The following TMOD1 variants were observed in gnomAD, a reference collection of about 807,000 sequenced individuals.
TMOD1 encodes tropomodulin 1, also known as tropomodulin-1.
In TMOD1, 17 loss-of-function variants were observed where a neutral mutation model predicts 40.6. The ratio of observed to expected loss-of-function variants is 0.42; its 90% CI spans 0.29 to 0.63. TMOD1 has a LOEUF of 0.63. Among genes scored for constraint, TMOD1 ranks in the 20% least tolerant of loss-of-function variants. The pLI is 0.22. For missense variants in TMOD1, 391 were observed against 447.6 expected (o/e 0.87, Z 1.14); for synonymous variants, 181 against 175.0 (o/e 1.03, Z -0.27).
At chr9:97,537,394 G>C (rs766803764) in intron 2 of TMOD1, among the ~76,000 whole-genome samples, 53 of 152,208 alleles carry the variant, frequency 3.5e-4, no homozygotes, top group African/African-American at 1.2e-3. Context: ...AGCCCACAAG[G>C]TTCTAGGCAG....
intron 8 of TMOD1, among the ~76,000 whole-genome samples, chr9:97,584,420 A>G (rs1217388950): frequency 1.3e-5 from 2 of 149,470 alleles, no homozygotes; most frequent in Non-Finnish European, 3.0e-5. Flanking sequence ...TTTACTTCCC[A>G]GTATGTGGTC....
At chr9:97,552,884 T>G (rs1830475133) in intron 3 of TMOD1, among the ~76,000 whole-genome samples, 1 of 152,210 alleles carries the variant, frequency 6.6e-6, no homozygotes, top group Non-Finnish European at 1.5e-5. Flanking sequence ...TTTTCATATT[T>G]TATTTGTTTG....
At chr9:97,598,955 A>AATT (rs1204456479) in intron 9 of TMOD1, among the ~76,000 whole-genome samples, 1 of 151,974 alleles carries the variant, frequency 6.6e-6, no homozygotes, top group East Asian at 1.9e-4. Context: ...CACTACAATT[A>AATT]ATTTCAAAAC....
intron 8 of TMOD1, among the ~76,000 whole-genome samples, chr9:97,577,567 C>A (rs1202412274): frequency 6.6e-6 from 1 of 152,090 alleles, no homozygotes; most frequent in African/African-American, 2.4e-5. Context: ...GTGGGTGGAT[C>A]ACTTGAGGTC....
chr9:97,561,034 G>A (rs929458129), intron 4 of TMOD1, among the ~76,000 whole-genome samples: 1 of 152,150 alleles, frequency 6.6e-6, no homozygotes, highest in Non-Finnish European at 1.5e-5. Context: ...GGTGAGGTGG[G>A]GCCAGCCCAG....
At position 97,545,676 on chromosome 9, in the gene TMOD1, T is replaced by G. The variant is rs555726630; in HGVS notation, c.121-509T>G. Among the ~76,000 whole-genome samples, 12 of 151,248 alleles carry G rather than the reference T, an allele frequency of 7.9e-5. No homozygotes were observed. In the South Asian group the frequency reaches 2.1e-3, roughly 26 times the overall value. ...CTGCTTTCCTGGGCCTTTCTCCAGCTTTTTTTTTGGTCTGCCTCTTCCTGC... is the reference window on the plus strand; with the variant it reads ...CTGCTTTCCTGGGCCTTTCTCCAGCGTTTTTTTTGGTCTGCCTCTTCCTGC... On this transcript the variant is annotated intron_variant, in intron 2 of 9. Coordinates refer to ENST00000259365, the MANE Select transcript of TMOD1 (RefSeq NM_003275.4).
At chr9:97,594,417 A>T (rs1057506822) in intron 9 of TMOD1, among the ~76,000 whole-genome samples, 1 of 152,224 alleles carries the variant, frequency 6.6e-6, no homozygotes, top group Non-Finnish European at 1.5e-5. Flanking sequence ...ATGTTTTCCA[A>T]CTGAATATTT....
At chr9:97,580,764 C>A (rs1284855800) in intron 8 of TMOD1, among the ~76,000 whole-genome samples, 1 of 152,108 alleles carries the variant, frequency 6.6e-6, no homozygotes, top group Non-Finnish European at 1.5e-5. Context: ...ATATTTCCAT[C>A]ACAGGGATCT....
rs560805363 is a variant in TMOD1, at chr9:97,579,582, G to A, written c.870+10545G>A. ...ATTATAGGTGTGAGCCACTGTGCCC[G>A]GCTACCAGTGGCTATCAAGCACTAG... On this transcript the variant is annotated intron_variant, in intron 8 of 9. Coordinates refer to ENST00000259365, the MANE Select transcript of TMOD1 (RefSeq NM_003275.4). 3.9e-5 allele frequency among the ~76,000 whole-genome samples: 6 copies of A among 152,252 alleles called. No individual in the cohort carries two copies. In the East Asian group the frequency reaches 7.7e-4, roughly 20 times the overall value.
intron 8 of TMOD1, among the ~76,000 whole-genome samples, chr9:97,574,021 G>C (rs544303819): frequency 2.0e-4 from 30 of 152,350 alleles, no homozygotes; most frequent in African/African-American, 4.1e-4. Flanking sequence ...GAGTTGACCA[G>C]AAAGACCTCT....
chr9:97,534,907 G>A (rs1464605730), intron 2 of TMOD1, among the ~76,000 whole-genome samples: 1 of 152,172 alleles, frequency 6.6e-6, no homozygotes, highest in Non-Finnish European at 1.5e-5. Context: ...ATGAATGCAG[G>A]GGAGCTGGAG....
At chr9:97,563,912 G>T in intron 5 of TMOD1, 126 bp from the exon 6 acceptor site, 2 of 851,036 alleles carry the variant, frequency 2.4e-6, no homozygotes, top group Non-Finnish European at 1.7e-6. Flanking sequence ...CCCCCACCCA[G>T]CCCCTGTGAT....
chr9:97,521,052 G>C (rs1829907390), intron 1 of TMOD1, among the ~76,000 whole-genome samples: 1 of 152,094 alleles, frequency 6.6e-6, no homozygotes, highest in South Asian at 2.1e-4. Context: ...ACACTCCCAG[G>C]GTTCCCAACC....
chr9:97,514,848 A>G (rs1829774940), intron 1 of TMOD1, among the ~76,000 whole-genome samples: 1 of 152,236 alleles, frequency 6.6e-6, no homozygotes, highest in African/African-American at 2.4e-5. Context: ...CACTACCTGG[A>G]TCGGGGCAGA....
chr9:97,505,013 T>C, intron 1 of TMOD1, among the ~76,000 whole-genome samples: 1 of 152,220 alleles, frequency 6.6e-6, no homozygotes. Flanking sequence ...ATTTCCTCTC[T>C]TTTGTTTTGT....
intron 9 of TMOD1, among the ~76,000 whole-genome samples, chr9:97,593,468 G>T (rs1301789699): frequency 6.6e-6 from 1 of 152,040 alleles, no homozygotes; most frequent in Non-Finnish European, 1.5e-5. Flanking sequence ...GGGGTAGGGG[G>T]TCTAGGCAGC....
chr9:97,518,452 G>A (rs1487775962), intron 1 of TMOD1, among the ~76,000 whole-genome samples: 1 of 152,242 alleles, frequency 6.6e-6, no homozygotes, highest in Non-Finnish European at 1.5e-5. Flanking sequence ...CACTTGGTTT[G>A]TGGGGCTTTG....
At chr9:97,577,945 C>CTGGTTTT (rs1382450142) in intron 8 of TMOD1, among the ~76,000 whole-genome samples, 2 of 152,244 alleles carry the variant, frequency 1.3e-5, no homozygotes, top group African/African-American at 2.4e-5. Context: ...AGTCAGAGAA[C>CTGGTTTT]TGGTTTTTAG....
At chr9:97,573,790 C>T (rs1005874933) in intron 8 of TMOD1, among the ~76,000 whole-genome samples, 3 of 152,088 alleles carry the variant, frequency 2.0e-5, no homozygotes, top group Admixed American at 6.5e-5. Context: ...TGAGCCAAGT[C>T]AGAGAAAAAA....
Sources: allele counts gnomAD v4.1 joint callset (sites outside exome capture counted in the v4.1 genomes callset), GRCh38; gene constraint gnomAD v4.1.1; transcripts MANE v1.5; gene names NCBI Gene and HGNC (gene_info 2026-07-23, HGNC 2026-07-21).